The following MINDY2 variants were observed in gnomAD, a reference collection of about 807,000 sequenced individuals.
MINDY2 encodes the protein MINDY lysine 48 deubiquitinase 2.
Under a neutral mutation model 68.2 loss-of-function variants are expected in MINDY2, and 52 were observed. The ratio of observed to expected loss-of-function variants is 0.76; its 90% confidence interval spans 0.61 to 0.96. MINDY2 has a LOEUF of 0.96. Ranked by LOEUF, MINDY2 falls within the 40% of genes least tolerant of loss-of-function variation. The pLI, the probability that MINDY2 is intolerant of heterozygous loss-of-function variation, is 0.00. For missense variants in MINDY2, 881 were observed against 773.4 expected (o/e 1.14, Z -1.65); for synonymous variants, 372 against 303.0 (o/e 1.23, Z -2.36).
At chr15:58,843,514 C>T (rs1029563238) in intron 6 of MINDY2, among the ~76,000 whole-genome samples, 21 of 152,136 alleles carry the variant, frequency 1.4e-4, no homozygotes, top group African/African-American at 5.1e-4. Context: ...GTGCTTTCCT[C>T]CATATTGGAT....
At chr15:58,819,302 G>T (rs2030905903) in intron 4 of MINDY2, among the ~76,000 whole-genome samples, 1 of 152,080 alleles carries the variant, frequency 6.6e-6, no homozygotes, top group Non-Finnish European at 1.5e-5. Context: ...TTAAAAATTA[G>T]CTGGGTGTGG....
chr15:58,848,846 C>A (rs1477040738), intron 7 of MINDY2, among the ~76,000 whole-genome samples: 1 of 152,184 alleles, frequency 6.6e-6, no homozygotes, highest in East Asian at 1.9e-4. Flanking sequence ...CCTTCAGAAG[C>A]TATACAGGGG....
intron 2 of MINDY2, among the ~76,000 whole-genome samples, chr15:58,800,320 C>A (rs547744514): frequency 6.6e-6 from 1 of 152,150 alleles, no homozygotes; most frequent in South Asian, 2.1e-4. Context: ...CTGTATCATT[C>A]TTTGTCCCTA....
intron 3 of MINDY2, among the ~76,000 whole-genome samples, chr15:58,806,829 T>C (rs1446359575): frequency 6.6e-6 from 1 of 152,138 alleles, no homozygotes; most frequent in Non-Finnish European, 1.5e-5. Context: ...AGGGAAAAAA[T>C]GTAAGCTGGT....
At chr15:58,824,887 C>T (rs1323283827) in intron 5 of MINDY2, among the ~76,000 whole-genome samples, 6 of 152,040 alleles carry the variant, frequency 3.9e-5, no homozygotes, top group Non-Finnish European at 8.8e-5. Context: ...CCAGGCTGGT[C>T]TCAAACTCCT....
intron 4 of MINDY2, among the ~76,000 whole-genome samples, chr15:58,814,002 A>G (rs984646507): frequency 1.3e-5 from 2 of 148,546 alleles, no homozygotes; most frequent in Admixed American, 6.8e-5. Context: ...CAGTGGCACA[A>G]TCTTTGCTCA....
intron 6 of MINDY2, among the ~76,000 whole-genome samples, chr15:58,842,855 C>T (rs1003581987): frequency 6.6e-6 from 1 of 152,116 alleles, no homozygotes; most frequent in Non-Finnish European, 1.5e-5. Flanking sequence ...AAGTAACTTG[C>T]CCAAGACCAT....
At chr15:58,784,824 A>G (rs1379943324) in intron 1 of MINDY2, among the ~76,000 whole-genome samples, 3 of 151,608 alleles carry the variant, frequency 2.0e-5, no homozygotes, top group East Asian at 1.9e-4. Context: ...CTGTAGGGAC[A>G]TGGTCTCCCT....
rs1226158937 is a variant in MINDY2 at position 58,852,963 on chromosome 15, T to G, written c.1737+998T>G. On this transcript the variant is annotated intron_variant, in intron 8 of 8. Coordinates refer to ENST00000559228, the MANE Select transcript of MINDY2 (RefSeq NM_001040450.3). ...TTTTTTTTTTTTTTTTTTTTTTTTTTTTTTTTTAAGACAGAGTCTCACTCT... is the reference window on the plus strand; with the variant it reads ...TTTTTTTTTTTTTTTTTTTTTTTTTGTTTTTTTAAGACAGAGTCTCACTCT... Among the ~76,000 whole-genome samples, 289 of 45,134 alleles carry G rather than the reference T, an allele frequency of 6.4e-3. 14 individuals carry two copies. Among genetic ancestry groups the G allele is most frequent in the African/African-American group, 0.017 (277 of 16,410 alleles). 29.6% of individuals were successfully genotyped at this position (45,134 alleles called of 152,430 possible).
At chr15:58,851,012 C>G (rs775975297) in intron 7 of MINDY2, among the ~76,000 whole-genome samples, 1 of 151,878 alleles carries the variant, frequency 6.6e-6, no homozygotes, top group South Asian at 2.1e-4. Flanking sequence ...CTTCCTCTGT[C>G]GCCCAGGCTG....
At chr15:58,804,754 C>T (rs1250856040) in intron 3 of MINDY2, among the ~76,000 whole-genome samples, 1 of 151,776 alleles carries the variant, frequency 6.6e-6, no homozygotes, top group East Asian at 1.9e-4. Context: ...TTGCTGTGAG[C>T]CAAATCACAC....
At position 58,856,651 on chromosome 15, in the gene MINDY2, A is replaced by G. The variant is rs2140883727; in HGVS notation, c.*2041A>G. On this transcript the variant is annotated 3_prime_UTR_variant, in exon 9 of 9. Transcript: ENST00000559228. Reference sequence around the variant, plus strand: ...TACTACAGAACTCTCTATTGGCTCAAACAGGTTGACCTCAATCCAAGTTTA... The same window carrying G: ...TACTACAGAACTCTCTATTGGCTCAGACAGGTTGACCTCAATCCAAGTTTA... The G allele has an allele frequency of 6.6e-6, 1 of 152,334 alleles. No individual in the cohort carries two copies. Among genetic ancestry groups the G allele is most frequent in the African/African-American group, 2.4e-5 (1 of 41,576 alleles). 9.4% of individuals were successfully genotyped at this position (152,334 alleles called of 1,614,324 possible).
At chr15:58,849,374 A>G (rs1223423304) in intron 7 of MINDY2, among the ~76,000 whole-genome samples, 1 of 150,774 alleles carries the variant, frequency 6.6e-6, no homozygotes, top group Non-Finnish European at 1.5e-5. Flanking sequence ...GCATGGTGGC[A>G]CGCACCTGTA....
At chr15:58,807,823 C>T (rs771621020) in intron 3 of MINDY2, among the ~76,000 whole-genome samples, 34 of 152,018 alleles carry the variant, frequency 2.2e-4, no homozygotes, top group Non-Finnish European at 4.4e-5. Flanking sequence ...TTGTCCCAGC[C>T]GCACTGGGCC....
chr15:58,783,755 T>G (rs1236856567), intron 1 of MINDY2, among the ~76,000 whole-genome samples: 21 of 151,956 alleles, frequency 1.4e-4, no homozygotes, highest in Non-Finnish European at 3.1e-4. Context: ...AGGAGTTTGT[T>G]CAACATGTCA....
chr15:58,771,582 C>T lies in MINDY2; in HGVS notation c.187C>T (p.Leu63Phe). Residue 63 changes from leucine (L) to phenylalanine (F), a missense_variant, in exon 1 of 9, where the codon CTC becomes TTC. Transcript: ENST00000559228. Reference sequence around the variant, plus strand: ...GGGGGCGGCGGCCGCCAGGAGGAGCCTCCCGGACTCGGCTTCTCCCGCGGG... The same window carrying T: ...GGGGGCGGCGGCCGCCAGGAGGAGCTTCCCGGACTCGGCTTCTCCCGCGGG... ...GLGAAAARRSLPDSASPAGSP... is the reference protein window; with the variant it reads ...GLGAAAARRSFPDSASPAGSP... 1 of 1,611,684 alleles carries T rather than the reference C, an allele frequency of 6.2e-7. No individual in the cohort carries two copies. The highest frequency in any genetic ancestry group is 1.3e-5 in the African/African-American group (1 of 75,022).
At position 58,854,554 on chromosome 15, in the gene MINDY2, C is replaced by T; in HGVS notation, c.1810C>T (p.Pro604Ser). 1 of 1,613,296 alleles carries T rather than the reference C, an allele frequency of 6.2e-7. No homozygotes were observed. Among genetic ancestry groups the T allele is most frequent in the Non-Finnish European group, 8.5e-7 (1 of 1,179,764 alleles). The change falls in exon 9 of 9, where the codon CCA becomes TCA. Residue 604 changes from proline to serine, a missense_variant. Coordinates refer to ENST00000559228, the MANE Select transcript of MINDY2 (RefSeq NM_001040450.3). Reference protein sequence around the residue: ...SGNSERKRKEPREKDKEKEKE... With the variant: ...SGNSERKRKESREKDKEKEKE... ...GAATAGTGAACGTAAACGGAAGGAACCACGAGAAAAAGATAAAGAAAAAGA... is the reference window on the plus strand; with the variant it reads ...GAATAGTGAACGTAAACGGAAGGAATCACGAGAAAAAGATAAAGAAAAAGA...
intron 4 of MINDY2, among the ~76,000 whole-genome samples, chr15:58,816,783 T>C (rs867152422): frequency 1.3e-5 from 2 of 152,246 alleles, no homozygotes; most frequent in East Asian, 1.9e-4. Flanking sequence ...TTCTATTCCA[T>C]GCGCATTAAA....
chr15:58,853,917 A>G (rs1318175537), intron 8 of MINDY2, among the ~76,000 whole-genome samples: 1 of 151,700 alleles, frequency 6.6e-6, no homozygotes. Flanking sequence ...TTTCCTTAAC[A>G]TTTTCTAAAC....
Sources: gnomAD v4.1 joint callset for allele counts (sites outside exome capture counted in the v4.1 genomes callset) on GRCh38, gnomAD v4.1.1 for gene constraint, MANE v1.5 for transcripts, NCBI Gene and HGNC (gene_info 2026-07-23, HGNC 2026-07-21) for gene names.